Variants in TENT4B observed in about 807,000 individuals in gnomAD.
TENT4B encodes terminal nucleotidyltransferase 4B, also known as PAP associated domain containing 5.
TENT4B carries 10 observed loss-of-function variants against 75.0 expected under a neutral mutation model. The observed-to-expected ratio is 0.13, with a 90% CI of 0.08 to 0.23. The LOEUF (loss-of-function observed/expected upper bound fraction) is 0.23. Ranked by LOEUF, TENT4B falls within the 10% of genes least tolerant of loss-of-function variation. The pLI is 1.00. For synonymous variants in TENT4B, 350 were observed against 357.7 expected (o/e 0.98, Z 0.24); for missense variants, 579 against 893.8 (o/e 0.65, Z 4.49).
intron 1 of TENT4B, among the ~76,000 whole-genome samples, chr16:50,184,589 C>A (rs2038488330): frequency 6.6e-6 from 1 of 152,120 alleles, no homozygotes; most frequent in Non-Finnish European, 1.5e-5. Context: ...ATGGCGTAAA[C>A]CCGGGAGGCG....
At chr16:50,222,988 C>T (rs1012915241) in intron 6 of TENT4B, among the ~76,000 whole-genome samples, 186 bp from the exon 7 acceptor site, 4 of 152,188 alleles carry the variant, frequency 2.6e-5, no homozygotes, top group Admixed American at 6.5e-5. Context: ...CCGCCATTCC[C>T]GCACCATGGG....
At chr16:50,192,865 G>C (rs2029940306) in intron 1 of TENT4B, among the ~76,000 whole-genome samples, 1 of 152,128 alleles carries the variant, frequency 6.6e-6, no homozygotes, top group African/African-American at 2.4e-5. Flanking sequence ...GTGGATTGCT[G>C]GAGCCCAGGA....
At chr16:50,220,913 CT>C (rs935014240) in intron 5 of TENT4B, among the ~76,000 whole-genome samples, 3 of 151,874 alleles carry the variant, frequency 2.0e-5, no homozygotes, top group African/African-American at 7.3e-5. Context: ...AAAGTATAAG[CT>C]TTTTTTTCTT....
At chr16:50,163,253 T>C (rs1247832500) in intron 1 of TENT4B, among the ~76,000 whole-genome samples, 1 of 152,174 alleles carries the variant, frequency 6.6e-6, no homozygotes, top group Non-Finnish European at 1.5e-5. Context: ...TTGGACTTAA[T>C]AAAGTACTAG....
At chr16:50,172,647 A>C (rs909001558) in intron 1 of TENT4B, among the ~76,000 whole-genome samples, 1 of 152,014 alleles carries the variant, frequency 6.6e-6, no homozygotes, top group African/African-American at 2.4e-5. Context: ...AGAGCCAAAT[A>C]TTGATACATT....
intron 1 of TENT4B, among the ~76,000 whole-genome samples, chr16:50,202,505 T>G (rs1596715551): frequency 2.0e-5 from 3 of 152,024 alleles, no homozygotes; most frequent in East Asian, 3.9e-4. Context: ...TTGTGCTTTG[T>G]TTTTTTTCTT....
In TENT4B at chr16:50,232,500, A is replaced by C. The variant is rs1476853960; in HGVS notation, c.*3172A>C. 1.0e-6 allele frequency: 1 copy of C among 985,200 alleles called. No individual in the cohort carries two copies. Among genetic ancestry groups the C allele is most frequent in the African/African-American group, 1.7e-5 (1 of 57,174 alleles). The allele number at this position is 985,200 out of a possible 1,614,324, so 61.0% of individuals were successfully genotyped here. A position where few individuals can be genotyped will look rare whatever the true frequency, so the allele number is the denominator to read the frequency against. On this transcript the variant is annotated 3_prime_UTR_variant, in exon 12 of 12. Transcript: ENST00000561678. ...AATTGTCTTTTTCTGCTGGAACCTT[A>C]TATCTCTCCATGTGTTTTCTGCTCC...
At chr16:50,202,584 T>C (rs1567501661) in intron 1 of TENT4B, among the ~76,000 whole-genome samples, 1 of 152,234 alleles carries the variant, frequency 6.6e-6, no homozygotes, top group African/African-American at 2.4e-5. Context: ...TTCAAGATCC[T>C]TGATCTTAGG....
chr16:50,157,922 T>C (rs9925196), intron 1 of TENT4B, among the ~76,000 whole-genome samples: 116,986 of 151,932 alleles, frequency 0.77, 45,324 homozygotes, highest in Non-Finnish European at 0.8. Context: ...AGTGCCACCA[T>C]GCCTGGCTCA....
intron 1 of TENT4B, among the ~76,000 whole-genome samples, chr16:50,185,133 T>TGCTTCCAAGTTTCTG (rs1474085680): frequency 6.6e-6 from 1 of 152,210 alleles, no homozygotes; most frequent in African/African-American, 2.4e-5. Context: ...AGTTGTAGTT[T>TGCTTCCAAGTTTCTG]GCTTCCAAGT....
intron 2 of TENT4B, among the ~76,000 whole-genome samples, chr16:50,211,942 C>A (rs760401190): frequency 6.6e-6 from 1 of 152,180 alleles, no homozygotes; most frequent in African/African-American, 2.4e-5. Context: ...CTGAAATTGC[C>A]ATTTTTCATC....
chr16:50,174,300 G>A (rs1225880569), intron 1 of TENT4B, among the ~76,000 whole-genome samples: 1 of 152,006 alleles, frequency 6.6e-6, no homozygotes, highest in Non-Finnish European at 1.5e-5. Context: ...GTTTTGCCAT[G>A]TTGGCCAGGC....
intron 3 of TENT4B, among the ~76,000 whole-genome samples, chr16:50,214,928 C>T (rs893724290): frequency 2.0e-5 from 3 of 152,134 alleles, no homozygotes; most frequent in African/African-American, 7.2e-5. Flanking sequence ...AATGTGAGTT[C>T]CCGCTGTCTT....
intron 1 of TENT4B, among the ~76,000 whole-genome samples, chr16:50,203,194 C>T (rs548791119): frequency 1.3e-5 from 2 of 152,216 alleles, no homozygotes; most frequent in East Asian, 3.9e-4. Flanking sequence ...TCTTCTTTTT[C>T]CTTTTAAATC....
chr16:50,223,992 T>C (rs1164381183), intron 7 of TENT4B, among the ~76,000 whole-genome samples: 7 of 152,220 alleles, frequency 4.6e-5, no homozygotes, highest in South Asian at 2.1e-4. Context: ...TTTCTTGATA[T>C]AATTGTAAAA....
intron 1 of TENT4B, among the ~76,000 whole-genome samples, chr16:50,159,279 G>T (rs1211405418): frequency 1.6e-4 from 22 of 137,090 alleles, no homozygotes; most frequent in Non-Finnish European, 3.2e-4. Context: ...AGTTTCACTT[G>T]TGTTGCCCAG....
rs118001112 is a variant in TENT4B at position 50,213,858 on chromosome 16, T to G, written c.763-363T>G. Among the ~76,000 whole-genome samples, 385 of 152,342 alleles carry G rather than the reference T, an allele frequency of 2.5e-3. 4 individuals are homozygous for G. In the East Asian group the frequency reaches 0.031, roughly 12 times the overall value. On this transcript the variant is annotated intron_variant, in intron 2 of 11. Coordinates refer to ENST00000561678, the MANE Select transcript of TENT4B (RefSeq NM_001365324.3). ...TAAGTAATCTAAAGATGATGTAAAG[T>G]ACATGGGAGGACTAGCATAGGTTGC...
chr16:50,168,501 A>G (rs760147234), intron 1 of TENT4B, among the ~76,000 whole-genome samples: 1 of 139,864 alleles, frequency 7.1e-6, no homozygotes, highest in South Asian at 2.3e-4. Flanking sequence ...TTTAGTAGAG[A>G]CTCGGTTTCA....
rs756029420 is a variant in TENT4B at position 50,224,972 on chromosome 16, T to C, written c.1590T>C (p.Asn530=). 1 of 1,613,868 alleles carries C rather than the reference T, an allele frequency of 6.2e-7. No homozygotes were observed. Among genetic ancestry groups the C allele is most frequent in the Non-Finnish European group, 8.5e-7 (1 of 1,179,778 alleles). ...TATCAAAGCAGTGGGGCTTGAAGAA[T>C]AGACCTGAGCCTTCATGCAATGGTA... ...DWISKQWGLK[N]RPEPSCNGNG... The change falls in exon 9 of 12, where the codon AAT becomes AAC. Residue 530 remains asparagine (N), a synonymous_variant. Transcript: ENST00000561678.
Sources: gnomAD v4.1 joint callset for allele counts (sites outside exome capture counted in the v4.1 genomes callset) on GRCh38, gnomAD v4.1.1 for gene constraint, MANE v1.5 for transcripts, NCBI Gene and HGNC (gene_info 2026-07-23, HGNC 2026-07-21) for gene names.